The following FER1L6 variants were observed in gnomAD, a reference collection of about 807,000 sequenced individuals.
FER1L6 encodes fer-1 like family member 6, also known as fer-1-like protein 6.
FER1L6 carries 177 observed loss-of-function variants against 219.2 expected under a neutral mutation model. That is an observed-to-expected ratio of 0.81 (90% CI 0.71 to 0.91). FER1L6 has a LOEUF of 0.91. Ranked by LOEUF, FER1L6 falls within the 40% of genes least tolerant of loss-of-function variation. The pLI is 0.00. For missense variants in FER1L6, 2,153 were observed against 2,259.9 expected, an observed-to-expected ratio of 0.95 and a Z score of 0.96; for synonymous variants, 768 against 824.3, an observed-to-expected ratio of 0.93 and a Z score of 1.17.
At chr8:124,076,371 C>T (rs1821292161) in intron 32 of FER1L6, 46 bp downstream of exon 32, 5 of 1,586,578 alleles carry the variant, frequency 3.2e-6, no homozygotes, top group African/African-American at 1.3e-5. Flanking sequence ...TCTGCATTTG[C>T]TCCTGCTGTG....
chr8:123,867,068 A>G (rs1016678831), intron 1 of FER1L6, among the ~76,000 whole-genome samples: 4 of 152,014 alleles, frequency 2.6e-5, no homozygotes, highest in African/African-American at 7.3e-5. Flanking sequence ...GTTTATTTTG[A>G]TGCAATCTCA....
intron 5 of FER1L6, among the ~76,000 whole-genome samples, chr8:123,967,584 A>G (rs973279778): frequency 6.6e-6 from 1 of 152,246 alleles, no homozygotes; most frequent in African/African-American, 2.4e-5. Flanking sequence ...TACTCAAATG[A>G]ACAGTGCACA....
chr8:123,856,312 A>ATGTATGTGTGTG (rs1456447904), intron 1 of FER1L6, among the ~76,000 whole-genome samples: 1 of 52,802 alleles, frequency 1.9e-5, no homozygotes, highest in African/African-American at 7.2e-5. Flanking sequence ...ATATATATGT[A>ATGTATGTGTGTG]TGTGTATATA....
Position 123,967,724 on chromosome 8 carries a change from G to A in FER1L6, c.384+1434G>A, listed in dbSNP as rs553792696. On this transcript the variant is annotated intron_variant, in intron 5 of 40. Transcript: ENST00000522917. ...TGTAATCCCAACACTTTGGGAGGCC[G>A]AGGTGGGCAGATCACGAGGTCAGGA... is the stretch of plus-strand genomic sequence containing the variant. 1.4e-4 allele frequency among the ~76,000 whole-genome samples: 21 copies of A among 152,206 alleles called. No individual in the cohort carries two copies. In the East Asian group the frequency reaches 1.9e-3, roughly 14 times the overall value.
intron 39 of FER1L6, among the ~76,000 whole-genome samples, chr8:124,105,931 T>C (rs1822752047): frequency 6.6e-6 from 1 of 152,178 alleles, no homozygotes; most frequent in Non-Finnish European, 1.5e-5. Context: ...TGATTTCATT[T>C]ATGTGAAATG....
At chr8:124,000,341 A>T (rs1817345908) in intron 12 of FER1L6, among the ~76,000 whole-genome samples, 1 of 152,216 alleles carries the variant, frequency 6.6e-6, no homozygotes, top group Non-Finnish European at 1.5e-5. Context: ...AAAACCAGGT[A>T]CTGTGATCAC....
intron 1 of FER1L6, among the ~76,000 whole-genome samples, chr8:123,859,491 C>T (rs114733124): frequency 0.028 from 4,184 of 151,852 alleles, 195 homozygotes; most frequent in African/African-American, 0.096. Context: ...CTCCTTTTCC[C>T]CATCCCTCCT....
At chr8:123,996,371 C>G (rs1817132678) in intron 12 of FER1L6, among the ~76,000 whole-genome samples, 1 of 152,026 alleles carries the variant, frequency 6.6e-6, no homozygotes, top group African/African-American at 2.4e-5. Flanking sequence ...ATTGTTATAT[C>G]CTCCTGCTGA....
chr8:124,119,649 G>A lies in FER1L6; in HGVS notation c.5433G>A (p.Lys1811=). The A allele has an allele frequency of 2.5e-6, 4 of 1,613,870 alleles. No individual in the cohort carries two copies. In the South Asian group the frequency reaches 3.3e-5, roughly 13 times the overall value. ...TSFSWFMSPF[K]CLYYLIWKNY... ...TTTCGTGGTTCATGAGCCCCTTTAA[G>A]TGCCTGTACTACCTCATCTGGAAGA... is the stretch of plus-strand genomic sequence containing the variant. The change falls in exon 41 of 41, where the codon AAG becomes AAA. Residue 1811 remains lysine (K), a synonymous_variant. Transcript: ENST00000522917.
chr8:123,875,061 G>T (rs1267172906), intron 1 of FER1L6, among the ~76,000 whole-genome samples: 2 of 152,082 alleles, frequency 1.3e-5, no homozygotes, highest in African/African-American at 4.8e-5. Context: ...TGGGCATGAT[G>T]GTGGGCACCT....
intron 1 of FER1L6, among the ~76,000 whole-genome samples, chr8:123,927,162 G>GAAA (rs10531303): frequency 2.2e-5 from 3 of 135,716 alleles, no homozygotes; most frequent in Non-Finnish European, 3.2e-5. Context: ...CAGCAGGCAG[G>GAAA]AAAAAAAAAA....
At chr8:124,032,757 G>T (rs1819028876) in intron 18 of FER1L6, among the ~76,000 whole-genome samples, 1 of 151,954 alleles carries the variant, frequency 6.6e-6, no homozygotes, top group Non-Finnish European at 1.5e-5. Flanking sequence ...GTGGGAGGGG[G>T]ATAAAAAGAA....
intron 1 of FER1L6, among the ~76,000 whole-genome samples, chr8:123,858,760 C>G (rs2130247709): frequency 6.6e-6 from 1 of 152,286 alleles, no homozygotes; most frequent in South Asian, 2.1e-4. Flanking sequence ...GGATCAGTCT[C>G]TGGCACCAAA....
chr8:123,867,450 C>T (rs1344905688), intron 1 of FER1L6, among the ~76,000 whole-genome samples: 1 of 152,120 alleles, frequency 6.6e-6, no homozygotes, highest in South Asian at 2.1e-4. Context: ...CCCCAGTGTT[C>T]TCATTTTTCT....
At chr8:124,061,732 AC>A (rs1368213376) in intron 24 of FER1L6, 119 bp from the exon 25 acceptor site, 27 of 904,214 alleles carry the variant, frequency 3.0e-5, no homozygotes, top group Non-Finnish European at 4.3e-5. Context: ...AATCTGCAGG[AC>A]TGGCCAGGAG....
intron 1 of FER1L6, among the ~76,000 whole-genome samples, chr8:123,879,895 C>T (rs1817075776): frequency 6.6e-6 from 1 of 152,176 alleles, no homozygotes; most frequent in Non-Finnish European, 1.5e-5. Flanking sequence ...CCATTGGATG[C>T]TGCCTTATTA....
chr8:124,095,018 G>A lies in FER1L6; in HGVS notation c.4675G>A (p.Asp1559Asn), dbSNP rs1320527028. Residue 1559 changes from aspartate to asparagine, a missense_variant, in exon 35 of 41, where the codon GAT becomes AAT. Physicochemically the swap from Asp to Asn is conservative, Grantham distance 23 (BLOSUM62 1). Transcript: ENST00000522917. Reference protein sequence around the residue: ...HIETRPLYHKDKPGMEQGRLQ... With the variant: ...HIETRPLYHKNKPGMEQGRLQ... ...AGAAACTCGGCCACTGTACCACAAG[G>A]ATAAGCCAGGAATGGAGCAGGTAGT... 1.2e-6 allele frequency: 2 copies of A among 1,614,000 alleles called. No homozygotes were observed. The highest frequency in any genetic ancestry group is 1.7e-6 in the Non-Finnish European group (2 of 1,179,996).
At chr8:123,876,056 A>C (rs1426899496) in intron 1 of FER1L6, among the ~76,000 whole-genome samples, 1 of 152,086 alleles carries the variant, frequency 6.6e-6, no homozygotes, top group Non-Finnish European at 1.5e-5. Flanking sequence ...TCATTATTTC[A>C]CTCAGAGTAC....
intron 1 of FER1L6, among the ~76,000 whole-genome samples, chr8:123,878,946 T>C (rs1817058597): frequency 6.6e-6 from 1 of 152,206 alleles, no homozygotes; most frequent in African/African-American, 2.4e-5. Flanking sequence ...GAGGCCACTT[T>C]CTCTCTGTTA....
Sources: gnomAD v4.1 joint callset for allele counts (sites outside exome capture counted in the v4.1 genomes callset) on GRCh38, gnomAD v4.1.1 for gene constraint, MANE v1.5 for transcripts, NCBI Gene and HGNC (gene_info 2026-07-23, HGNC 2026-07-21) for gene names.